HS3ST3A1: variants seen among roughly 807,000 people sequenced by gnomAD.
HS3ST3A1 encodes heparan sulfate glucosamine 3-O-sulfotransferase 3A1.
A neutral mutation model predicts 25.7 loss-of-function variants in HS3ST3A1; 19 were observed. That is an observed-to-expected ratio of 0.74 (90% CI 0.52 to 1.08). The LOEUF (loss-of-function observed/expected upper bound fraction) is 1.08, where lower values mean the gene tolerates loss of function less well. Ranked by LOEUF, HS3ST3A1 falls within the 50% of genes least tolerant of loss-of-function variation. The pLI is 0.00. For synonymous variants in HS3ST3A1, 226 were observed against 278.6 expected (o/e 0.81, Z 1.88); for missense variants, 459 against 594.3 (o/e 0.77, Z 2.37).
At chr17:13,507,619 T>C (rs1479347183) in intron 1 of HS3ST3A1, among the ~76,000 whole-genome samples, 1 of 152,234 alleles carries the variant, frequency 6.6e-6, no homozygotes, top group African/African-American at 2.4e-5. Context: ...AAAGGCTATC[T>C]TCTGCAAGGG....
intron 1 of HS3ST3A1, among the ~76,000 whole-genome samples, chr17:13,569,237 T>A (rs1019786279): frequency 4.6e-5 from 7 of 152,166 alleles, no homozygotes; most frequent in African/African-American, 9.6e-5. Context: ...CTGGCAGGAT[T>A]TCCTTACTTT....
At chr17:13,577,067 C>T (rs8066914) in intron 1 of HS3ST3A1, among the ~76,000 whole-genome samples, 8 of 152,260 alleles carry the variant, frequency 5.3e-5, no homozygotes, top group East Asian at 1.9e-4. Context: ...GACAAGAGGG[C>T]GTGTGCAGGG....
intron 1 of HS3ST3A1, among the ~76,000 whole-genome samples, chr17:13,521,841 C>T (rs537132885): frequency 2.8e-4 from 43 of 152,270 alleles, no homozygotes; most frequent in African/African-American, 1.0e-3. Flanking sequence ...AGTTTCTCAA[C>T]CCCAACACGA....
At chr17:13,512,718 T>C (rs1317043340) in intron 1 of HS3ST3A1, among the ~76,000 whole-genome samples, 2 of 152,186 alleles carry the variant, frequency 1.3e-5, no homozygotes, top group African/African-American at 4.8e-5. Flanking sequence ...GTATTCAAAA[T>C]CTTGATTGTA....
intron 1 of HS3ST3A1, among the ~76,000 whole-genome samples, chr17:13,585,662 T>TG (rs1196133775): frequency 2.0e-5 from 3 of 151,954 alleles, no homozygotes; most frequent in African/African-American, 7.3e-5. Flanking sequence ...GACCTAGGTC[T>TG]GCTCCTCTAC....
At chr17:13,557,327 C>T (rs772942550) in intron 1 of HS3ST3A1, among the ~76,000 whole-genome samples, 1 of 151,956 alleles carries the variant, frequency 6.6e-6, no homozygotes, top group Non-Finnish European at 1.5e-5. Flanking sequence ...TGAGTAAAAC[C>T]CTTGAACATT....
chr17:13,549,403 C>G (rs1394270243), intron 1 of HS3ST3A1, among the ~76,000 whole-genome samples: 1 of 152,190 alleles, frequency 6.6e-6, no homozygotes, highest in Non-Finnish European at 1.5e-5. Context: ...AAGAACCCAC[C>G]GGAAGGAATA....
At chr17:13,528,154 C>T (rs1467823411) in intron 1 of HS3ST3A1, among the ~76,000 whole-genome samples, 4 of 152,154 alleles carry the variant, frequency 2.6e-5, no homozygotes, top group Non-Finnish European at 4.4e-5. Context: ...AAGTAACGAA[C>T]GTCTCCATTC....
At chr17:13,506,564 T>G (rs1905682586) in intron 1 of HS3ST3A1, among the ~76,000 whole-genome samples, 1 of 152,152 alleles carries the variant, frequency 6.6e-6, no homozygotes, top group East Asian at 1.9e-4. Flanking sequence ...AGAATGCAGT[T>G]CAAATAACTG....
At chr17:13,577,533 A>G (rs1907976222) in intron 1 of HS3ST3A1, among the ~76,000 whole-genome samples, 1 of 152,186 alleles carries the variant, frequency 6.6e-6, no homozygotes, top group African/African-American at 2.4e-5. Flanking sequence ...GACATTCATG[A>G]CAACAGTCAT....
intron 1 of HS3ST3A1, among the ~76,000 whole-genome samples, chr17:13,504,848 A>G (rs966003991): frequency 6.6e-6 from 1 of 152,204 alleles, no homozygotes; most frequent in Admixed American, 6.5e-5. Flanking sequence ...CAGGCAAATC[A>G]TAAGGACAGC....
intron 1 of HS3ST3A1, 49 bp downstream of exon 1, chr17:13,600,482 C>A: frequency 7.9e-6 from 12 of 1,519,490 alleles, no homozygotes; most frequent in Non-Finnish European, 9.6e-6. Flanking sequence ...TCTTTCCCAG[C>A]CCAGGACCCC....
chr17:13,506,836 C>T (rs942836880), intron 1 of HS3ST3A1, among the ~76,000 whole-genome samples: 3 of 151,072 alleles, frequency 2.0e-5, no homozygotes, highest in Non-Finnish European at 2.9e-5. Context: ...GCGGGTGGAT[C>T]GCCTGAGCTC....
chr17:13,579,050 T>C (rs112835005), intron 1 of HS3ST3A1, among the ~76,000 whole-genome samples: 3,599 of 152,296 alleles, frequency 0.024, 64 homozygotes, highest in Non-Finnish European at 0.037. Context: ...TAGCACTGTG[T>C]ATCTTTTCAA....
chr17:13,504,296 G>A lies in HS3ST3A1; in HGVS notation c.600-7478C>T, dbSNP rs183239281. ...CACACCACTGCACTCCAGTCTGGGC[G>A]ACAGAGCGAGACTCCATCTCAAACA... On this transcript the variant is annotated intron_variant, in intron 1 of 1. Transcript: ENST00000284110. Among the ~76,000 whole-genome samples the A allele has an allele frequency of 9.8e-4, 129 of 131,046 alleles. 1 individual carries two copies. The highest frequency in any genetic ancestry group is 3.2e-3 in the African/African-American group (112 of 34,932). 86.0% of individuals were successfully genotyped at this position (131,046 alleles called of 152,430 possible).
chr17:13,584,813 T>C (rs1360228923), intron 1 of HS3ST3A1, among the ~76,000 whole-genome samples: 1 of 152,182 alleles, frequency 6.6e-6, no homozygotes, highest in Non-Finnish European at 1.5e-5. Flanking sequence ...GAGGATCCCA[T>C]TGGGTGACTC....
chr17:13,583,640 A>G (rs1372916738), intron 1 of HS3ST3A1, among the ~76,000 whole-genome samples: 4 of 152,242 alleles, frequency 2.6e-5, no homozygotes, highest in African/African-American at 9.6e-5. Flanking sequence ...ACTCATGGTG[A>G]AATACATTAA....
Position 13,526,472 on chromosome 17 carries a change from TTTTATATATATATATATATATATA to T in HS3ST3A1, c.600-29678_600-29655del, listed in dbSNP as rs1482963989. 1.2e-4 allele frequency among the ~76,000 whole-genome samples: 7 copies of T among 58,364 alleles called. No homozygotes were observed. The South Asian group carries it at 1.9e-3, about 16-fold the overall frequency. The allele number at this position is 58,364 out of a possible 152,430, so 38.3% of individuals were successfully genotyped here. ...TATTGAACTTGGATACAACTTTAATTTTTATATATATATATATATATATATATATATATATATATATATTATTGG... is the reference window on the plus strand; with the variant it reads ...TATTGAACTTGGATACAACTTTAATTTATATATATATATATATATTATTGG... On this transcript the variant is annotated intron_variant, in intron 1 of 1. Coordinates refer to ENST00000284110, the MANE Select transcript of HS3ST3A1 (RefSeq NM_006042.3).
Position 13,512,321 on chromosome 17 carries a change from A to AAAAAAAAAAAAAAAAAAAC in HS3ST3A1, c.600-15504_600-15503insGTTTTTTTTTTTTTTTTTT, listed in dbSNP as rs1395357582. ...ACTCCGTCTCAAAAAAAAAAAAAAA[A>AAAAAAAAAAAAAAAAAAAC]AAAAAACTGCATGATCCCATTTATA... On this transcript the variant is annotated intron_variant, in intron 1 of 1. Transcript: ENST00000284110. Among the ~76,000 whole-genome samples the AAAAAAAAAAAAAAAAAAAC allele has an allele frequency of 1.6e-3, 231 of 144,570 alleles. 3 individuals carry two copies. The highest frequency in any genetic ancestry group is 2.4e-3 in the Non-Finnish European group (161 of 65,726). The allele number at this position is 144,570 out of a possible 152,430, so 94.8% of individuals were successfully genotyped here.
Sources: gnomAD v4.1 joint callset for allele counts (sites outside exome capture counted in the v4.1 genomes callset) on GRCh38, gnomAD v4.1.1 for gene constraint, MANE v1.5 for transcripts, NCBI Gene and HGNC (gene_info 2026-07-23, HGNC 2026-07-21) for gene names.